Variants in RFX7 observed in about 807,000 individuals in gnomAD.
RFX7 encodes the protein DNA-binding protein RFX7.
In RFX7, 26 loss-of-function variants were observed where a neutral mutation model predicts 111.8. The observed-to-expected ratio is 0.23, with a 90% CI of 0.17 to 0.32. The LOEUF is 0.32. Among genes scored for constraint, RFX7 ranks in the 10% least tolerant of loss-of-function variants. The probability of loss-of-function intolerance (pLI) is 1.00; values close to 1 mark genes in which losing one functional copy is unlikely to be tolerated. For missense variants in RFX7, 1,573 were observed against 1,772.9 expected (o/e 0.89, Z 2.02); for synonymous variants, 624 against 624.4 (o/e 1.00, Z 0.01).
chr15:56,114,579 C>T (rs943486862), intron 5 of RFX7, among the ~76,000 whole-genome samples: 6 of 152,024 alleles, frequency 3.9e-5, no homozygotes, highest in African/African-American at 1.4e-4. Context: ...AGACTAGGAT[C>T]ATACTAATAT....
chr15:56,175,431 C>G (rs1467878963), intron 3 of RFX7, among the ~76,000 whole-genome samples: 3 of 152,130 alleles, frequency 2.0e-5, no homozygotes, highest in East Asian at 1.9e-4. Context: ...CAAAGTAACT[C>G]TGAAATTTGT....
chr15:56,112,826 C>CA (rs2041958027), intron 5 of RFX7, among the ~76,000 whole-genome samples: 1 of 152,084 alleles, frequency 6.6e-6, no homozygotes, highest in Non-Finnish European at 1.5e-5. Flanking sequence ...ACAACCCCAT[C>CA]AAAAAGTGGG....
At chr15:56,105,436 T>G (rs556712522) in intron 5 of RFX7, among the ~76,000 whole-genome samples, 2 of 152,256 alleles carry the variant, frequency 1.3e-5, no homozygotes, top group East Asian at 3.9e-4. Flanking sequence ...CCATCTGTAT[T>G]TAAAACTATA....
intron 2 of RFX7, among the ~76,000 whole-genome samples, chr15:56,240,042 G>C (rs2414469): frequency 7.8e-6 from 1 of 127,772 alleles, no homozygotes; most frequent in East Asian, 2.2e-4. Flanking sequence ...TAAGCTAAAA[G>C]AAGTTTGCAG....
chr15:56,141,771 G>A (rs2042403047), intron 5 of RFX7, among the ~76,000 whole-genome samples: 1 of 149,656 alleles, frequency 6.7e-6, no homozygotes, highest in South Asian at 2.1e-4. Context: ...TCAATGGATT[G>A]TTGTAGACTG....
chr15:56,112,379 C>CAAAAAAAAAAAAAAAAAAAAAGAAAAAAA (rs2041950440), intron 5 of RFX7, among the ~76,000 whole-genome samples: 15 of 71,762 alleles, frequency 2.1e-4, no homozygotes, highest in Non-Finnish European at 2.8e-4. Flanking sequence ...GAGTACAAAT[C>CAAAAAAAAAAAAAAAAAAAAAGAAAAAAA]AAAAAAAAAA....
chr15:56,216,732 T>C (rs569343580), intron 2 of RFX7, among the ~76,000 whole-genome samples: 24 of 152,348 alleles, frequency 1.6e-4, no homozygotes, highest in African/African-American at 5.8e-4. Flanking sequence ...AATTTATAAA[T>C]ATCAATTAGC....
At chr15:56,185,483 G>A (rs1429817669) in intron 2 of RFX7, among the ~76,000 whole-genome samples, 3 of 152,074 alleles carry the variant, frequency 2.0e-5, no homozygotes, top group African/African-American at 7.2e-5. Flanking sequence ...TCTGACATAT[G>A]TTAAATATCC....
chr15:56,169,881 G>A (rs1033710761), intron 3 of RFX7, among the ~76,000 whole-genome samples: 28 of 151,056 alleles, frequency 1.9e-4, no homozygotes, highest in African/African-American at 6.3e-4. Context: ...ACTAAACTAA[G>A]TAGAGCAGGA....
At chr15:56,110,300 C>T (rs1378594094) in intron 5 of RFX7, among the ~76,000 whole-genome samples, 1 of 89,202 alleles carries the variant, frequency 1.1e-5, no homozygotes, top group African/African-American at 3.9e-5. Context: ...GGCCAGCCGC[C>T]CCGTCCGGGA....
intron 2 of RFX7, among the ~76,000 whole-genome samples, chr15:56,224,726 T>C (rs184224075): frequency 5.9e-5 from 9 of 152,238 alleles, no homozygotes; most frequent in Non-Finnish European, 4.4e-5. Context: ...GTAACTTCTA[T>C]TTTCACTTGT....
intron 5 of RFX7, among the ~76,000 whole-genome samples, chr15:56,127,445 C>T (rs879806423): frequency 7.4e-5 from 11 of 149,026 alleles, no homozygotes; most frequent in Non-Finnish European, 1.3e-4. Context: ...CACTCCTAAA[C>T]AAGCAGAAGA....
chr15:56,243,053 G>GCCCCCC, intron 2 of RFX7, 72 bp downstream of exon 2: 2 of 519,404 alleles, frequency 3.9e-6, no homozygotes, highest in Non-Finnish European at 6.7e-6. Context: ...CCCCCCGCCC[G>GCCCCCC]CCGCCCCCCA....
At chr15:56,177,190 C>T (rs1206700374) in intron 3 of RFX7, among the ~76,000 whole-genome samples, 2 of 152,064 alleles carry the variant, frequency 1.3e-5, no homozygotes, top group African/African-American at 4.8e-5. Flanking sequence ...TGTGTGTCAC[C>T]AGGAGATCAT....
intron 2 of RFX7, among the ~76,000 whole-genome samples, chr15:56,228,123 G>A (rs540637511): frequency 2.6e-5 from 4 of 151,628 alleles, no homozygotes; most frequent in African/African-American, 9.7e-5. Context: ...TTTTCTCTCT[G>A]GCTTTTCAAG....
chr15:56,138,370 T>C (rs1204967027), intron 5 of RFX7, among the ~76,000 whole-genome samples: 1 of 151,064 alleles, frequency 6.6e-6, no homozygotes, highest in Non-Finnish European at 1.5e-5. Flanking sequence ...CATTATGAAA[T>C]GGCCTTCTTT....
chr15:56,241,635 G>A (rs1461616403), intron 2 of RFX7, among the ~76,000 whole-genome samples: 4 of 152,012 alleles, frequency 2.6e-5, no homozygotes, highest in African/African-American at 4.8e-5. Flanking sequence ...TTGATGGCAA[G>A]CAAGATATTC....
intron 2 of RFX7, among the ~76,000 whole-genome samples, chr15:56,225,476 A>C (rs374972517): frequency 2.3e-4 from 35 of 152,308 alleles, no homozygotes; most frequent in Middle Eastern, 3.4e-3. Context: ...GATTTTAAAC[A>C]ATTATAGAGA....
At chr15:56,155,528 AC>A (rs2042640987) in intron 3 of RFX7, among the ~76,000 whole-genome samples, 1 of 152,116 alleles carries the variant, frequency 6.6e-6, no homozygotes, top group South Asian at 2.1e-4. Flanking sequence ...AAAACCAAAT[AC>A]TGCGTGTTCT....
Sources: gnomAD v4.1 joint callset for allele counts (sites outside exome capture counted in the v4.1 genomes callset) on GRCh38, gnomAD v4.1.1 for gene constraint, MANE v1.5 for transcripts, NCBI Gene and HGNC (gene_info 2026-07-23, HGNC 2026-07-21) for gene names.